The following OCA2 variants were observed in gnomAD, a reference collection of about 807,000 sequenced individuals.
The protein encoded by OCA2 is P protein.
A neutral mutation model predicts 100.2 loss-of-function variants in OCA2; 77 were observed. The observed-to-expected ratio is 0.77, with a 90% CI of 0.64 to 0.93. The LOEUF (loss-of-function observed/expected upper bound fraction) is 0.93. Among genes scored for constraint, OCA2 ranks in the 40% least tolerant of loss-of-function variants. The pLI, the probability that OCA2 is intolerant of heterozygous loss-of-function variation, is 0.00. For synonymous variants in OCA2, 432 were observed against 439.2 expected (o/e 0.98, Z 0.21); for missense variants, 1,062 against 1,089.1 (o/e 0.98, Z 0.35).
chr15:27,971,390 C>A (rs1468746523), intron 14 of OCA2, among the ~76,000 whole-genome samples: 2 of 152,150 alleles, frequency 1.3e-5, no homozygotes, highest in Admixed American at 1.3e-4. Flanking sequence ...CATGGTGAGT[C>A]TCTGTAGAAC....
At chr15:27,806,029 G>A (rs1234548039) in intron 23 of OCA2, among the ~76,000 whole-genome samples, 3 of 152,236 alleles carry the variant, frequency 2.0e-5, no homozygotes, top group African/African-American at 2.4e-5. Context: ...TAGTTACAGT[G>A]CAGGTTTGTG....
At chr15:27,907,645 A>C (rs553183547) in intron 19 of OCA2, among the ~76,000 whole-genome samples, 2 of 152,332 alleles carry the variant, frequency 1.3e-5, no homozygotes, top group African/African-American at 4.8e-5. Context: ...AAAAAGCACA[A>C]ATATTCAAAA....
chr15:27,769,178 T>C (rs886821770), intron 23 of OCA2, among the ~76,000 whole-genome samples: 1 of 152,164 alleles, frequency 6.6e-6, no homozygotes, highest in South Asian at 2.1e-4. Context: ...TACGCCTTCA[T>C]CTCCCTCCGG....
At chr15:28,087,988 G>A (rs535029854) in intron 1 of OCA2, among the ~76,000 whole-genome samples, 15 of 151,992 alleles carry the variant, frequency 9.9e-5, no homozygotes, top group African/African-American at 3.6e-4. Flanking sequence ...TTTGAACCCA[G>A]AAGGCAGAGG....
In OCA2 at chr15:27,871,197, A is replaced by C. The variant is rs768934658; in HGVS notation, c.2201T>G (p.Leu734Arg). Reference sequence around the variant, plus strand: ...GATGTTGTCAATCAGGGACGACGCCAGGGCTGAGACCCACACCACCAGGAC... The same window carrying C: ...GATGTTGTCAATCAGGGACGACGCCCGGGCTGAGACCCACACCACCAGGAC... The part of the protein sequence containing the change: ...AIVLVVWVSA[L>R]ASSLIDNIPF... Residue 734 changes from leucine (L) to arginine (R), a missense_variant, in exon 21 of 24, where the codon CTG (leucine) becomes CGG (arginine). Physicochemically the swap from Leu to Arg is moderately radical, Grantham distance 102. Coordinates refer to ENST00000354638, the MANE Select transcript of OCA2 (RefSeq NM_000275.3). The C allele has an allele frequency of 3.0e-5, 49 of 1,614,072 alleles. No individual in the cohort carries two copies. The highest frequency in any genetic ancestry group is 4.2e-5 in the Non-Finnish European group (49 of 1,180,028).
chr15:28,082,100 C>G (rs2044654191), intron 1 of OCA2, among the ~76,000 whole-genome samples: 1 of 152,170 alleles, frequency 6.6e-6, no homozygotes, highest in African/African-American at 2.4e-5. Context: ...CAGAACATTT[C>G]TGTCTAGCTA....
chr15:28,070,668 A>G (rs2044229248), intron 2 of OCA2, among the ~76,000 whole-genome samples: 1 of 149,284 alleles, frequency 6.7e-6, no homozygotes, highest in African/African-American at 2.5e-5. Context: ...GGTGTGCCCA[A>G]CAGCTCATTG....
intron 9 of OCA2, among the ~76,000 whole-genome samples, chr15:27,996,075 T>C (rs969276696): frequency 1.3e-5 from 2 of 152,180 alleles, no homozygotes; most frequent in Non-Finnish European, 2.9e-5. Flanking sequence ...CCTCCTGAAG[T>C]GCTGGGATTA....
chr15:27,905,803 C>T (rs892602776), intron 19 of OCA2, among the ~76,000 whole-genome samples: 1 of 152,212 alleles, frequency 6.6e-6, no homozygotes, highest in African/African-American at 2.4e-5. Flanking sequence ...CAAACGCTAT[C>T]AGGAGCGGAA....
intron 23 of OCA2, among the ~76,000 whole-genome samples, chr15:27,768,932 C>T (rs1015135080): frequency 8.5e-5 from 13 of 152,216 alleles, no homozygotes; most frequent in African/African-American, 3.1e-4. Context: ...TTCAATGCTT[C>T]ATGCGCTGCC....
intron 23 of OCA2, among the ~76,000 whole-genome samples, chr15:27,771,037 C>T (rs1024922911): frequency 2.7e-4 from 40 of 146,436 alleles, no homozygotes; most frequent in African/African-American, 1.0e-3. Flanking sequence ...TCCCTCCCTC[C>T]CTCTTTTCCT....
chr15:27,843,355 T>C (rs1243213498), intron 23 of OCA2, among the ~76,000 whole-genome samples: 1 of 152,194 alleles, frequency 6.6e-6, no homozygotes. Flanking sequence ...CTCTCTTGGC[T>C]GTGCTCTGGG....
At chr15:27,814,606 C>T (rs1595455236) in intron 23 of OCA2, among the ~76,000 whole-genome samples, 1 of 152,106 alleles carries the variant, frequency 6.6e-6, no homozygotes, top group South Asian at 2.1e-4. Context: ...GGCCAGGCAC[C>T]GTGGCTCACG....
intron 23 of OCA2, among the ~76,000 whole-genome samples, chr15:27,805,134 A>G (rs4520797): frequency 0.73 from 110,984 of 152,134 alleles, 41,834 homozygotes; most frequent in East Asian, 1. Flanking sequence ...AGCCGGGGAG[A>G]GTGGGCCTGG....
intron 17 of OCA2, among the ~76,000 whole-genome samples, chr15:27,954,252 G>C (rs1355038791): frequency 6.6e-6 from 1 of 152,000 alleles, no homozygotes; most frequent in Non-Finnish European, 1.5e-5. Flanking sequence ...TCCTCGTCCA[G>C]GTGTACAGAG....
chr15:27,829,419 C>G (rs942483400), intron 23 of OCA2, among the ~76,000 whole-genome samples: 6 of 152,172 alleles, frequency 3.9e-5, no homozygotes, highest in African/African-American at 1.4e-4. Flanking sequence ...GAATTTGAAG[C>G]ATAAGACACT....
At chr15:27,842,678 G>C (rs918080587) in intron 23 of OCA2, among the ~76,000 whole-genome samples, 7 of 152,160 alleles carry the variant, frequency 4.6e-5, no homozygotes, top group Admixed American at 6.5e-5. Flanking sequence ...CTCACCACAA[G>C]GACACACTCT....
At chr15:27,811,533 A>G (rs1044698151) in intron 23 of OCA2, among the ~76,000 whole-genome samples, 1 of 152,236 alleles carries the variant, frequency 6.6e-6, no homozygotes, top group African/African-American at 2.4e-5. Flanking sequence ...AATTAAACGA[A>G]AAAACAGCTA....
In OCA2 at chr15:27,896,480, G is replaced by C; in HGVS notation, c.2080-24558C>G. Reference sequence around the variant, plus strand: ...AGAAGCCCAAGAAAAAAGTTAAAAAGAAGTGGAACTGTCCCAAAATGTCCC... The same window carrying C: ...AGAAGCCCAAGAAAAAAGTTAAAAACAAGTGGAACTGTCCCAAAATGTCCC... On this transcript the variant is annotated intron_variant, in intron 19 of 23. Transcript: ENST00000354638. 5.0e-6 allele frequency: 3 copies of C among 594,334 alleles called. No individual in the cohort carries two copies. In the Admixed American group the frequency reaches 7.0e-5, roughly 14 times the overall value. 36.8% of individuals were successfully genotyped at this position (594,334 alleles called of 1,614,324 possible).
Sources: allele counts gnomAD v4.1 joint callset (sites outside exome capture counted in the v4.1 genomes callset), GRCh38; gene constraint gnomAD v4.1.1; transcripts MANE v1.5; gene names NCBI Gene and HGNC (gene_info 2026-07-23, HGNC 2026-07-21).